MBNL1: variants seen among roughly 807,000 people sequenced by gnomAD.
The protein encoded by MBNL1 is muscleblind like splicing regulator 1, also known as muscleblind-like protein 1.
Under a neutral mutation model 42.2 loss-of-function variants are expected in MBNL1, and 8 were observed. The observed-to-expected ratio is 0.19, with a 90% CI of 0.11 to 0.34. MBNL1 has a LOEUF of 0.34. MBNL1 is among the 10% of genes least tolerant of loss of function. The probability of loss-of-function intolerance (pLI) is 1.00; values close to 1 mark genes in which losing one functional copy is unlikely to be tolerated. For synonymous variants in MBNL1, 169 were observed against 173.9 expected (o/e 0.97, Z 0.22); for missense variants, 309 against 495.3 (o/e 0.62, Z 3.57).
chr3:152,413,936 C>G (rs758771477), intron 2 of MBNL1, among the ~76,000 whole-genome samples: 10 of 152,072 alleles, frequency 6.6e-5, no homozygotes, highest in Non-Finnish European at 1.0e-4. Flanking sequence ...TATATTTGTA[C>G]TTATGATTTT....
Position 152,286,996 on chromosome 3 carries a change from G to T in MBNL1, c.-789-12409G>T, listed in dbSNP as rs150361636. Among the ~76,000 whole-genome samples, 125 of 152,222 alleles carry T rather than the reference G, an allele frequency of 8.2e-4. 4 individuals carry two copies. The East Asian group carries it at 0.021, about 26-fold the overall frequency. On this transcript the variant is annotated intron_variant, in intron 1 of 9. Coordinates refer to ENST00000324210, the MANE Select transcript of MBNL1 (RefSeq NM_021038.5). Reference sequence around the variant, plus strand: ...GCACTTTGGGAGGCCGAGGCGGGTGGCTCACGAGGTCAGGAGATTGAGACC... The same window carrying T: ...GCACTTTGGGAGGCCGAGGCGGGTGTCTCACGAGGTCAGGAGATTGAGACC...
intron 2 of MBNL1, among the ~76,000 whole-genome samples, chr3:152,355,297 A>C (rs2153044815): frequency 6.6e-6 from 1 of 152,336 alleles, no homozygotes; most frequent in African/African-American, 2.4e-5. Flanking sequence ...TATGAGAATT[A>C]AATGAGTTAG....
chr3:152,384,822 G>A (rs998130892), intron 2 of MBNL1, among the ~76,000 whole-genome samples: 2 of 152,096 alleles, frequency 1.3e-5, no homozygotes, highest in South Asian at 4.1e-4. Context: ...AACCTATGCT[G>A]TCCGGAGTTT....
intron 1 of MBNL1, among the ~76,000 whole-genome samples, chr3:152,274,144 A>G (rs1003306837): frequency 1.1e-4 from 16 of 152,150 alleles, no homozygotes; most frequent in Admixed American, 5.2e-4. Context: ...ATTTTTTCCT[A>G]CGTTTTCACT....
chr3:152,452,145 G>A (rs1224743208), intron 6 of MBNL1, among the ~76,000 whole-genome samples: 1 of 152,056 alleles, frequency 6.6e-6, no homozygotes, highest in Non-Finnish European at 1.5e-5. Flanking sequence ...TTCAAATTTC[G>A]ATATATACTT....
intron 2 of MBNL1, chr3:152,340,294 A>G (rs948545842): frequency 6.0e-6 from 3 of 498,574 alleles, no homozygotes; most frequent in African/African-American, 5.9e-5. Context: ...TGGGCAATAG[A>G]GTGAGACCTT....
chr3:152,277,370 T>A (rs1340232235), intron 1 of MBNL1, among the ~76,000 whole-genome samples: 1 of 152,158 alleles, frequency 6.6e-6, no homozygotes, highest in Non-Finnish European at 1.5e-5. Flanking sequence ...AGAATGCCTG[T>A]GTAACCTATC....
chr3:152,312,803 T>C (rs1198802772), intron 2 of MBNL1, among the ~76,000 whole-genome samples: 1 of 152,172 alleles, frequency 6.6e-6, no homozygotes, highest in Non-Finnish European at 1.5e-5. Context: ...TATTGTGTTT[T>C]GGTATTTTCT....
At chr3:152,259,536 G>C (rs1195421761) in intron 2 of MBNL1, among the ~76,000 whole-genome samples, 2 of 152,154 alleles carry the variant, frequency 1.3e-5, no homozygotes, top group African/African-American at 4.8e-5. Flanking sequence ...TGTACTTCTT[G>C]AAGTTATCAA....
intron 2 of MBNL1, among the ~76,000 whole-genome samples, chr3:152,315,862 ACACACTCT>A (rs1405493889): frequency 2.2e-4 from 26 of 119,074 alleles, no homozygotes; most frequent in East Asian, 1.8e-3. Flanking sequence ...ACACACACAC[ACACACTCT>A]CTCTCTCTCT....
intron 8 of MBNL1, among the ~76,000 whole-genome samples, chr3:152,457,408 T>G (rs928794439): frequency 6.6e-6 from 1 of 152,198 alleles, no homozygotes; most frequent in African/African-American, 2.4e-5. Flanking sequence ...GAAGACCAAT[T>G]AAGACATAGA....
intron 2 of MBNL1, among the ~76,000 whole-genome samples, chr3:152,343,918 G>A (rs2093781324): frequency 6.6e-6 from 1 of 152,098 alleles, no homozygotes; most frequent in African/African-American, 2.4e-5. Flanking sequence ...ATTTATAAAT[G>A]TGTCATTGAT....
intron 3 of MBNL1, among the ~76,000 whole-genome samples, chr3:152,418,747 C>G (rs1420746209): frequency 1.5e-5 from 2 of 135,556 alleles, no homozygotes; most frequent in Admixed American, 1.5e-4. Context: ...GACAGAATCT[C>G]ACTCTGTTGC....
At chr3:152,374,719 A>T (rs1578978313) in intron 2 of MBNL1, among the ~76,000 whole-genome samples, 2 of 152,334 alleles carry the variant, frequency 1.3e-5, no homozygotes, top group East Asian at 3.9e-4. Flanking sequence ...AAATAAATGG[A>T]AAAGTAGAGG....
At chr3:152,447,474 G>A (rs1474557028) in intron 5 of MBNL1, 146 bp from the exon 6 acceptor site, 1 of 179,754 alleles carries the variant, frequency 5.6e-6, no homozygotes, top group Non-Finnish European at 1.1e-5. Flanking sequence ...TTAATTTTTT[G>A]TTCATTGGAT....
At chr3:152,299,375 T>C (rs2059907555) in intron 1 of MBNL1, 30 bp from the exon 2 acceptor site, 1 of 242,358 alleles carries the variant, frequency 4.1e-6, no homozygotes, top group Admixed American at 5.6e-5. Context: ...TGCTACTTAG[T>C]AAATCTTAAC....
chr3:152,264,031 C>T (rs1039592720), upstream of MBNL1: 3 of 152,192 alleles, frequency 2.0e-5, no homozygotes, highest in African/African-American at 4.8e-5. Flanking sequence ...ATATGACCAG[C>T]TCAGTCCTCC....
chr3:152,282,330 G>T (rs895488179), intron 1 of MBNL1, among the ~76,000 whole-genome samples: 2 of 152,018 alleles, frequency 1.3e-5, no homozygotes, highest in Non-Finnish European at 2.9e-5. Context: ...TAAGTACCAA[G>T]AATTCTTAGG....
chr3:152,268,893 A>T (rs898213231), upstream of MBNL1: 51 of 454,748 alleles, frequency 1.1e-4, no homozygotes, highest in Non-Finnish European at 4.0e-5. Context: ...CGGAAGCCAG[A>T]CCTCGGCGAT....
Sources: allele counts gnomAD v4.1 joint callset (sites outside exome capture counted in the v4.1 genomes callset), GRCh38; gene constraint gnomAD v4.1.1; transcripts MANE v1.5; gene names NCBI Gene and HGNC (gene_info 2026-07-23, HGNC 2026-07-21).